The following KCNQ3 variants were observed in gnomAD, a reference collection of about 807,000 sequenced individuals.
KCNQ3 encodes the protein potassium voltage-gated channel subfamily KQT member 3.
A neutral mutation model predicts 92.5 loss-of-function variants in KCNQ3; 30 were observed. The ratio of observed to expected loss-of-function variants is 0.32; its 90% confidence interval spans 0.24 to 0.44. KCNQ3 has a LOEUF of 0.44. KCNQ3 is among the 20% of genes least tolerant of loss of function. The pLI is 1.00. For synonymous variants in KCNQ3, 450 were observed against 468.8 expected (o/e 0.96, Z 0.52); for missense variants, 913 against 1,140.3 (o/e 0.80, Z 2.87).
At chr8:132,135,319 G>C (rs1244035412) in intron 12 of KCNQ3, among the ~76,000 whole-genome samples, 2 of 151,746 alleles carry the variant, frequency 1.3e-5, no homozygotes, top group African/African-American at 2.4e-5. Flanking sequence ...GGACCAATAG[G>C]AAAGAAATGT....
chr8:132,143,952 TGAG>T (rs1398175686), intron 9 of KCNQ3, among the ~76,000 whole-genome samples: 2 of 152,206 alleles, frequency 1.3e-5, no homozygotes, highest in African/African-American at 2.4e-5. Context: ...GATAAGTATA[TGAG>T]GAGCTTAATT....
chr8:132,219,100 T>C (rs774371358), intron 1 of KCNQ3, among the ~76,000 whole-genome samples: 1 of 152,202 alleles, frequency 6.6e-6, no homozygotes, highest in Admixed American at 6.5e-5. Context: ...CTAAGGTCAA[T>C]ACCGGCAAAT....
At chr8:132,310,940 T>C (rs542854930) in intron 1 of KCNQ3, among the ~76,000 whole-genome samples, 28 of 152,154 alleles carry the variant, frequency 1.8e-4, no homozygotes, top group African/African-American at 6.7e-4. Context: ...TTACGACTTT[T>C]TTTTTTCTTT....
At chr8:132,276,262 G>T (rs1816326672) in intron 1 of KCNQ3, among the ~76,000 whole-genome samples, 1 of 152,198 alleles carries the variant, frequency 6.6e-6, no homozygotes. Flanking sequence ...TTTATCTCAA[G>T]GCTCGTGCCT....
Position 132,250,653 on chromosome 8 carries a change from C to T in KCNQ3, c.387-64472G>A, listed in dbSNP as rs538339412. Among the ~76,000 whole-genome samples the T allele has an allele frequency of 3.3e-5, 5 of 152,258 alleles. No homozygotes were observed. In the South Asian group the frequency reaches 1.0e-3, roughly 32 times the overall value. ...ATCTCTCAGGAGACTTTTGGCTCAT[C>T]TGTGGACCATTTCTCTATTTCCAAG... On this transcript the variant is annotated intron_variant, in intron 1 of 14. Transcript: ENST00000388996.
intron 1 of KCNQ3, among the ~76,000 whole-genome samples, chr8:132,340,983 T>A (rs567193339): frequency 1.8e-4 from 27 of 152,328 alleles, no homozygotes; most frequent in African/African-American, 6.5e-4. Context: ...TGCAGCTAAA[T>A]CACATTTAAA....
At chr8:132,399,065 G>A (rs1330846509) in intron 1 of KCNQ3, among the ~76,000 whole-genome samples, 1 of 152,118 alleles carries the variant, frequency 6.6e-6, no homozygotes, top group South Asian at 2.1e-4. Context: ...AAAATAGGAA[G>A]GCTTCTCCAG....
At chr8:132,319,656 C>T (rs1817844297) in intron 1 of KCNQ3, among the ~76,000 whole-genome samples, 3 of 152,166 alleles carry the variant, frequency 2.0e-5, no homozygotes, top group Admixed American at 1.3e-4. Flanking sequence ...AGCCGCACTG[C>T]CAGATGATGT....
At chr8:132,356,526 T>C (rs534121465) in intron 1 of KCNQ3, among the ~76,000 whole-genome samples, 7 of 152,336 alleles carry the variant, frequency 4.6e-5, no homozygotes, top group South Asian at 2.1e-4. Flanking sequence ...AGACTCATCT[T>C]TCCCCTCAGG....
intron 9 of KCNQ3, among the ~76,000 whole-genome samples, chr8:132,162,188 C>G (rs1437471381): frequency 6.6e-6 from 1 of 152,160 alleles, no homozygotes; most frequent in Non-Finnish European, 1.5e-5. Flanking sequence ...TATCTGAGCC[C>G]TAATTAAACC....
intron 1 of KCNQ3, among the ~76,000 whole-genome samples, chr8:132,288,674 GTGC>G (rs1816749009): frequency 1.3e-5 from 2 of 152,100 alleles, no homozygotes; most frequent in Admixed American, 6.5e-5. Flanking sequence ...TCATAGGGCA[GTGC>G]ATTGTATGGG....
intron 1 of KCNQ3, among the ~76,000 whole-genome samples, chr8:132,267,062 A>G (rs1816004857): frequency 6.6e-6 from 1 of 152,200 alleles, no homozygotes; most frequent in African/African-American, 2.4e-5. Flanking sequence ...GAAGGGAAGG[A>G]AGGAACCCTG....
chr8:132,415,493 C>T (rs1221629930), intron 1 of KCNQ3, among the ~76,000 whole-genome samples: 1 of 152,226 alleles, frequency 6.6e-6, no homozygotes, highest in Non-Finnish European at 1.5e-5. Flanking sequence ...CAGCCCCCGG[C>T]TGCAGAACCA....
intron 9 of KCNQ3, among the ~76,000 whole-genome samples, 183 bp downstream of exon 9, chr8:132,163,285 A>G (rs541429693): frequency 1.3e-5 from 2 of 152,244 alleles, no homozygotes; most frequent in Non-Finnish European, 2.9e-5. Flanking sequence ...ATTCCTATTA[A>G]GTTTCCCTCA....
intron 5 of KCNQ3, among the ~76,000 whole-genome samples, chr8:132,175,081 T>C (rs938090147): frequency 3.9e-5 from 6 of 152,228 alleles, no homozygotes; most frequent in Non-Finnish European, 8.8e-5. Context: ...GTACTGTGTG[T>C]CCTTGTGGGT....
At chr8:132,173,830 T>C (rs1826461410) in intron 6 of KCNQ3, among the ~76,000 whole-genome samples, 1 of 152,204 alleles carries the variant, frequency 6.6e-6, no homozygotes, top group Non-Finnish European at 1.5e-5. Flanking sequence ...GGAACTCACA[T>C]AAATGAAGGA....
chr8:132,149,449 T>C (rs183589595), intron 9 of KCNQ3, among the ~76,000 whole-genome samples: 1 of 152,320 alleles, frequency 6.6e-6, no homozygotes, highest in African/African-American at 2.4e-5. Context: ...GCATGCCTAA[T>C]CTTTCCTGGT....
chr8:132,161,826 C>T (rs918124396), intron 9 of KCNQ3, among the ~76,000 whole-genome samples: 48 of 152,196 alleles, frequency 3.2e-4, no homozygotes, highest in African/African-American at 9.9e-4. Context: ...CCGCCTCCTG[C>T]GTAAAGGAAT....
intron 1 of KCNQ3, among the ~76,000 whole-genome samples, chr8:132,459,736 G>A: frequency 7.5e-6 from 1 of 133,590 alleles, no homozygotes; most frequent in South Asian, 2.4e-4. Context: ...TCTTTTTCTT[G>A]TTTTTTTTTT....
Sources: allele counts gnomAD v4.1 joint callset (sites outside exome capture counted in the v4.1 genomes callset), GRCh38; gene constraint gnomAD v4.1.1; transcripts MANE v1.5; gene names NCBI Gene and HGNC (gene_info 2026-07-23, HGNC 2026-07-21).